The following SLC9A9 variants were observed in gnomAD, a reference collection of about 807,000 sequenced individuals.
SLC9A9 encodes the protein sodium/hydrogen exchanger 9.
Under a neutral mutation model 77.8 loss-of-function variants are expected in SLC9A9, and 62 were observed. The ratio of observed to expected loss-of-function variants is 0.80; its 90% CI spans 0.65 to 0.98. SLC9A9 has a LOEUF of 0.98. Among genes scored for constraint, SLC9A9 ranks in the 50% least tolerant of loss-of-function variants. SLC9A9 has a pLI of 0.00. For missense variants in SLC9A9, 775 were observed against 774.9 expected (o/e 1.00, Z 0.00); for synonymous variants, 320 against 283.5 (o/e 1.13, Z -1.29).
At chr3:143,344,869 G>C (rs2032214088) in intron 14 of SLC9A9, among the ~76,000 whole-genome samples, 1 of 148,966 alleles carries the variant, frequency 6.7e-6, no homozygotes, top group Admixed American at 6.7e-5. Context: ...GGGAAAAAAA[G>C]TGTTATGTAG....
intron 14 of SLC9A9, among the ~76,000 whole-genome samples, chr3:143,296,985 C>T (rs186901474): frequency 5.3e-5 from 8 of 152,184 alleles, no homozygotes; most frequent in Non-Finnish European, 8.8e-5. Flanking sequence ...TGTCTTTTCC[C>T]TCTGATTGTT....
At chr3:143,550,632 A>C (rs1346699368) in intron 9 of SLC9A9, among the ~76,000 whole-genome samples, 2 of 152,184 alleles carry the variant, frequency 1.3e-5, no homozygotes, top group East Asian at 1.9e-4. Context: ...AGAGCCCCCC[A>C]AAAATCAACA....
At chr3:143,546,678 C>A (rs1452634726) in intron 9 of SLC9A9, among the ~76,000 whole-genome samples, 2 of 152,114 alleles carry the variant, frequency 1.3e-5, no homozygotes, top group South Asian at 2.1e-4. Flanking sequence ...ATAGTTTGAA[C>A]CACAAAGTAA....
chr3:143,483,533 G>A (rs572452563), intron 11 of SLC9A9, among the ~76,000 whole-genome samples: 138 of 152,296 alleles, frequency 9.1e-4, no homozygotes, highest in South Asian at 2.7e-3. Flanking sequence ...TGTGGGGCCT[G>A]AAGCTTATAA....
At chr3:143,284,383 C>A (rs1578261322) in intron 14 of SLC9A9, among the ~76,000 whole-genome samples, 1 of 150,456 alleles carries the variant, frequency 6.6e-6, no homozygotes, top group Admixed American at 6.6e-5. Context: ...CCAGAAATTT[C>A]TGTGGGATTT....
intron 9 of SLC9A9, among the ~76,000 whole-genome samples, chr3:143,544,082 A>G (rs1334940246): frequency 6.6e-6 from 1 of 152,234 alleles, no homozygotes; most frequent in Admixed American, 6.5e-5. Context: ...GTAAGATAAT[A>G]TCTAATTATG....
At chr3:143,692,019 C>T (rs1933485885) in intron 5 of SLC9A9, among the ~76,000 whole-genome samples, 2 of 152,048 alleles carry the variant, frequency 1.3e-5, no homozygotes, top group African/African-American at 4.8e-5. Context: ...CCCAGCACCA[C>T]CTTTAAAGTA....
At chr3:143,499,458 T>A (rs1386207034) in intron 9 of SLC9A9, among the ~76,000 whole-genome samples, 1 of 152,162 alleles carries the variant, frequency 6.6e-6, no homozygotes, top group East Asian at 1.9e-4. Flanking sequence ...GATTCACATA[T>A]ACAATTGATT....
At chr3:143,504,564 A>G (rs1474614848) in intron 9 of SLC9A9, among the ~76,000 whole-genome samples, 2 of 152,222 alleles carry the variant, frequency 1.3e-5, no homozygotes, top group Non-Finnish European at 2.9e-5. Context: ...ACAGTTACAT[A>G]TAGGTAAAGT....
chr3:143,715,177 G>A (rs961000950), intron 4 of SLC9A9, among the ~76,000 whole-genome samples: 4 of 122,206 alleles, frequency 3.3e-5, no homozygotes, highest in Admixed American at 2.6e-4. Context: ...TGTGAAAATG[G>A]ACTAATATAG....
chr3:143,467,293 T>A (rs7640246), intron 11 of SLC9A9, 103 bp from the exon 12 acceptor site: 146,569 of 1,308,874 alleles, frequency 0.11, 11,817 homozygotes, highest in African/African-American at 0.4. Context: ...TTTAAATTAA[T>A]CTTTTTATTT....
chr3:143,689,176 A>C (rs1260246695), intron 5 of SLC9A9, among the ~76,000 whole-genome samples: 1 of 151,878 alleles, frequency 6.6e-6, no homozygotes. Flanking sequence ...AAACTGATAC[A>C]AATTTTATGG....
intron 5 of SLC9A9, among the ~76,000 whole-genome samples, chr3:143,668,763 C>G (rs2039113542): frequency 6.6e-6 from 1 of 152,210 alleles, no homozygotes; most frequent in African/African-American, 2.4e-5. Context: ...CAGAACAGCT[C>G]CTTTTCTCCT....
chr3:143,456,843 G>A (rs962845739), intron 12 of SLC9A9, among the ~76,000 whole-genome samples: 2 of 152,106 alleles, frequency 1.3e-5, no homozygotes, highest in Admixed American at 6.5e-5. Flanking sequence ...GATTATAGGC[G>A]TGAGCCACTG....
chr3:143,847,641 A>G (rs2009857615), intron 1 of SLC9A9: 1 of 156,198 alleles, frequency 6.4e-6, no homozygotes, highest in African/African-American at 2.4e-5. Context: ...CTGTTCGTAT[A>G]AATAAAAAGG....
At chr3:143,700,417 T>C (rs1404410114) in intron 4 of SLC9A9, among the ~76,000 whole-genome samples, 1 of 152,292 alleles carries the variant, frequency 6.6e-6, no homozygotes, top group Non-Finnish European at 1.5e-5. Flanking sequence ...AGACCTGCCC[T>C]GGGCCAGAGG....
At chr3:143,516,373 T>C (rs2036203306) in intron 9 of SLC9A9, among the ~76,000 whole-genome samples, 1 of 152,124 alleles carries the variant, frequency 6.6e-6, no homozygotes, top group South Asian at 2.1e-4. Context: ...TATTTTTTGC[T>C]AAATTCTGCA....
chr3:143,637,117 G>A (rs1356694221), intron 6 of SLC9A9, among the ~76,000 whole-genome samples: 1 of 152,172 alleles, frequency 6.6e-6, no homozygotes, highest in Non-Finnish European at 1.5e-5. Flanking sequence ...TAGCTCTCTA[G>A]TGATGGATCT....
intron 4 of SLC9A9, among the ~76,000 whole-genome samples, chr3:143,778,703 A>G (rs2007776821): frequency 6.6e-6 from 1 of 152,206 alleles, no homozygotes. Flanking sequence ...ACCTTCGGGG[A>G]GATTTATGTA....
Sources: gnomAD v4.1 joint callset for allele counts (sites outside exome capture counted in the v4.1 genomes callset) on GRCh38, gnomAD v4.1.1 for gene constraint, MANE v1.5 for transcripts, NCBI Gene and HGNC (gene_info 2026-07-23, HGNC 2026-07-21) for gene names.